ARK2N: variants seen among roughly 807,000 people sequenced by gnomAD.
ARK2N encodes the protein arkadia (RNF111) N-terminal like PKA signaling regulator 2N.
chr18:46,201,713 T>C, the ARK2N span, among the ~76,000 whole-genome samples: 1 of 151,996 alleles, frequency 6.6e-6, no homozygotes, highest in African/African-American at 2.4e-5. Flanking sequence ...ACTAGCGGTA[T>C]AAGCTACTGT....
At chr18:46,200,267 G>A in the ARK2N span, among the ~76,000 whole-genome samples, 1,096 of 152,104 alleles carry the variant, frequency 7.2e-3, 14 homozygotes, top group Middle Eastern at 0.017. Flanking sequence ...GATTTGCCAG[G>A]GACAAGATGT....
chr18:46,200,889 C>G, the ARK2N span, among the ~76,000 whole-genome samples: 1 of 151,906 alleles, frequency 6.6e-6, no homozygotes, highest in African/African-American at 2.4e-5. Context: ...AAATAAATGC[C>G]TTTTCTGTGT....
At chr18:46,184,739 A>G in the ARK2N span, among the ~76,000 whole-genome samples, 1 of 152,148 alleles carries the variant, frequency 6.6e-6, no homozygotes, top group Admixed American at 6.6e-5. Context: ...CAACAACAAC[A>G]ACAACAAAGA....
the ARK2N span, among the ~76,000 whole-genome samples, chr18:46,262,581 C>G: frequency 6.6e-6 from 1 of 152,142 alleles, no homozygotes; most frequent in Non-Finnish European, 1.5e-5. Context: ...GGCATCTTAA[C>G]TTTGTTCTGG....
At chr18:46,175,991 G>C in the ARK2N span, among the ~76,000 whole-genome samples, 2 of 152,070 alleles carry the variant, frequency 1.3e-5, no homozygotes, top group Admixed American at 1.3e-4. Context: ...TTTGTTTTAT[G>C]GTTATGATTA....
the ARK2N span, among the ~76,000 whole-genome samples, chr18:46,198,178 G>A: frequency 2.0e-5 from 3 of 151,794 alleles, no homozygotes; most frequent in Non-Finnish European, 4.4e-5. Context: ...GGTGGCGCCT[G>A]TAGTCCCAGC....
chr18:46,263,709 C>T, the ARK2N span: 2 of 152,734 alleles, frequency 1.3e-5, no homozygotes, highest in Non-Finnish European at 2.9e-5. Context: ...CTGTTGACTT[C>T]CCACAGCACA....
chr18:46,192,876 A>ACT, the ARK2N span, among the ~76,000 whole-genome samples: 102,880 of 144,856 alleles, frequency 0.71, 36,893 homozygotes, highest in Middle Eastern at 0.76. Context: ...CCCGGCTGAG[A>ACT]CTGTCTCAAA....
the ARK2N span, among the ~76,000 whole-genome samples, chr18:46,220,313 T>C: frequency 0.011 from 1,612 of 152,294 alleles, 36 homozygotes; most frequent in African/African-American, 0.037. Flanking sequence ...TCAGCCCCAC[T>C]TCAAGACAAA....
chr18:46,183,885 G>A, the ARK2N span, among the ~76,000 whole-genome samples: 1,334 of 150,842 alleles, frequency 8.8e-3, 25 homozygotes, highest in African/African-American at 0.032. Context: ...GTGCAGTGGC[G>A]CGATCTCAGC....
chr18:46,223,848 A>T, the ARK2N span, among the ~76,000 whole-genome samples: 1 of 152,204 alleles, frequency 6.6e-6, no homozygotes, highest in East Asian at 1.9e-4. Context: ...GTAGGGATAT[A>T]TGATGTGAAT....
chr18:46,216,389 A>T, the ARK2N span: 2 of 1,614,010 alleles, frequency 1.2e-6, no homozygotes, highest in African/African-American at 2.7e-5. The surrounding 1 kb of genome is among the most constrained non-coding windows in gnomAD (Gnocchi z 4.3). Flanking sequence ...CGAGTCGCCA[A>T]GGTTAAAGGT....
At chr18:46,233,784 A>G in the ARK2N span, among the ~76,000 whole-genome samples, 16 of 152,186 alleles carry the variant, frequency 1.1e-4, no homozygotes, top group African/African-American at 3.9e-4. Context: ...TTTATAATAA[A>G]AAGTTTAAAT....
chr18:46,258,634 ACC>A, the ARK2N span, among the ~76,000 whole-genome samples: 5 of 152,276 alleles, frequency 3.3e-5, no homozygotes, highest in African/African-American at 9.6e-5. Flanking sequence ...TGTGTTTCAT[ACC>A]TGTCACCAAT....
At chr18:46,264,838 G>A in the ARK2N span, 1 of 147,926 alleles carries the variant, frequency 6.8e-6, no homozygotes, top group African/African-American at 2.5e-5. Flanking sequence ...TTGTGCATAT[G>A]TTCTTTGATC....
chr18:46,204,499 A>C, the ARK2N span, among the ~76,000 whole-genome samples: 1 of 152,234 alleles, frequency 6.6e-6, no homozygotes, highest in Non-Finnish European at 1.5e-5. Context: ...AGCATTATTT[A>C]ATTCAGTGTT....
chr18:46,182,528 G>C, the ARK2N span, among the ~76,000 whole-genome samples: 1 of 152,110 alleles, frequency 6.6e-6, no homozygotes, highest in Admixed American at 6.6e-5. Context: ...AGGGTAGCTT[G>C]AGCCCAGGAG....
At chr18:46,204,888 A>G in the ARK2N span, among the ~76,000 whole-genome samples, 2 of 149,594 alleles carry the variant, frequency 1.3e-5, no homozygotes, top group African/African-American at 5.0e-5. Flanking sequence ...GTTTTAGTTT[A>G]TTCGTTTTTT....
At chr18:46,216,816 TGATAG>T in the ARK2N span, 3 of 500,650 alleles carry the variant, frequency 6.0e-6, no homozygotes, top group Non-Finnish European at 1.1e-5. This position sits in a 1 kb window ranked among gnomAD's most constrained non-coding sequence, Gnocchi z 4.3. Context: ...AAAGGGTTAA[TGATAG>T]GGACAAGATT....
Sources: allele counts gnomAD v4.1 joint callset (sites outside exome capture counted in the v4.1 genomes callset), GRCh38; gene constraint gnomAD v4.1.1; non-coding constraint Gnocchi (gnomAD v3.1); transcripts MANE v1.5; gene names NCBI Gene and HGNC (gene_info 2026-07-23, HGNC 2026-07-21).